FMNL2: variants seen among roughly 807,000 people sequenced by gnomAD.
FMNL2 encodes the protein formin-like protein 2.
In FMNL2, 51 loss-of-function variants were observed where a neutral mutation model predicts 130.2. The ratio of observed to expected loss-of-function variants is 0.39; its 90% CI spans 0.31 to 0.49. FMNL2 has a LOEUF of 0.49. Among genes scored for constraint, FMNL2 ranks in the 20% least tolerant of loss-of-function variants. The pLI is 0.85. For synonymous variants in FMNL2, 465 were observed against 467.1 expected, an observed-to-expected ratio of 1.00 and a Z score of 0.06; for missense variants, 977 against 1,316.2, an observed-to-expected ratio of 0.74 and a Z score of 3.99.
At chr2:152,401,987 C>G (rs1444679325) in intron 1 of FMNL2, among the ~76,000 whole-genome samples, 1 of 141,630 alleles carries the variant, frequency 7.1e-6, no homozygotes, top group Non-Finnish European at 1.5e-5. Flanking sequence ...CTCACTGCAA[C>G]CTCCGCCTCC....
chr2:152,581,019 C>A lies in FMNL2; in HGVS notation c.846C>A (p.Ile282=). Residue 282 remains isoleucine (I), a synonymous_variant, in exon 9 of 26, where the codon ATC becomes ATA. Coordinates refer to ENST00000288670, the MANE Select transcript of FMNL2 (RefSeq NM_052905.4). ...AVCLVRGGHE[I]ILSAFDNFKE... is the part of the protein sequence containing the mutation. ...GTCTTGTCAGAGGCGGGCATGAAATCATTTTATCAGCATTTGATAACTTTA... is the reference window on the plus strand; with the variant it reads ...GTCTTGTCAGAGGCGGGCATGAAATAATTTTATCAGCATTTGATAACTTTA... 1 of 1,613,866 alleles carries A rather than the reference C, an allele frequency of 6.2e-7. No homozygotes were observed.
intron 1 of FMNL2, among the ~76,000 whole-genome samples, chr2:152,469,177 G>C (rs1406072968): frequency 6.6e-6 from 1 of 152,158 alleles, no homozygotes. Context: ...AGCCCTCCAG[G>C]ACAGGCCTCC....
chr2:152,639,971 A>G lies in FMNL2; in HGVS notation c.2960A>G (p.Glu987Gly). 2 of 1,556,868 alleles carry G rather than the reference A, an allele frequency of 1.3e-6. No individual in the cohort carries two copies. The highest frequency in any genetic ancestry group is 1.7e-6 in the Non-Finnish European group (2 of 1,151,116). Residue 987 changes from glutamate to glycine, a missense_variant, in exon 24 of 26, where the codon GAA becomes GGA. Glu to Gly is a moderately conservative substitution (Grantham distance 98). Around this residue, in one of 4 missense-constraint regions of FMNL2, gnomAD observed 168 missense variants for 168.8 expected, o/e 1.00. Transcript: ENST00000288670. ...TGATTTACCCAGCAAGCAGAAGAGG[A>G]AAATGAGCTGAGGAAAAAGCAGGAA... ...FVKAYKQAEE[E>G]NELRKKQEQA... is the part of the protein sequence containing the mutation.
intron 13 of FMNL2, among the ~76,000 whole-genome samples, chr2:152,618,293 A>G (rs1325817956): frequency 6.6e-6 from 1 of 152,222 alleles, no homozygotes; most frequent in Non-Finnish European, 1.5e-5. Flanking sequence ...TGTTACAACA[A>G]TCGCTATCCT....
intron 1 of FMNL2, among the ~76,000 whole-genome samples, chr2:152,480,693 A>G (rs150368468): frequency 2.6e-5 from 4 of 151,820 alleles, no homozygotes; most frequent in African/African-American, 9.7e-5. Context: ...AACAAACAAA[A>G]CAAAAAAAAC....
chr2:152,441,645 T>G (rs1688052447), intron 1 of FMNL2, among the ~76,000 whole-genome samples: 1 of 152,064 alleles, frequency 6.6e-6, no homozygotes. Context: ...GAGAGCAGCT[T>G]GACCAACATG....
At chr2:152,472,846 A>AT (rs1051468991) in intron 1 of FMNL2, among the ~76,000 whole-genome samples, 2 of 152,188 alleles carry the variant, frequency 1.3e-5, no homozygotes, top group African/African-American at 4.8e-5. Context: ...AATGATGATA[A>AT]TCTGTCTTAA....
At chr2:152,426,974 T>C (rs1408943557) in intron 1 of FMNL2, among the ~76,000 whole-genome samples, 1 of 152,228 alleles carries the variant, frequency 6.6e-6, no homozygotes, top group Non-Finnish European at 1.5e-5. Flanking sequence ...CCATGCCCGT[T>C]GGTCTCTACC....
At chr2:152,412,542 C>G (rs1488760705) in intron 1 of FMNL2, among the ~76,000 whole-genome samples, 1 of 143,020 alleles carries the variant, frequency 7.0e-6, no homozygotes, top group Non-Finnish European at 1.5e-5. Context: ...TACGGTGACT[C>G]ATGCTTATAA....
intron 1 of FMNL2, among the ~76,000 whole-genome samples, chr2:152,460,324 C>T (rs557932176): frequency 1.3e-5 from 2 of 152,248 alleles, no homozygotes; most frequent in East Asian, 3.9e-4. Flanking sequence ...TTTTTAGCAG[C>T]CATTATATGG....
At chr2:152,482,608 T>C (rs777047064) in intron 1 of FMNL2, among the ~76,000 whole-genome samples, 5 of 152,226 alleles carry the variant, frequency 3.3e-5, no homozygotes, top group South Asian at 4.1e-4. Flanking sequence ...GCTTTTCCAC[T>C]TAATAACTGA....
At chr2:152,578,634 C>T (rs1311083467) in intron 7 of FMNL2, 6 of 218,644 alleles carry the variant, frequency 2.7e-5, no homozygotes, top group Non-Finnish European at 5.2e-5. Flanking sequence ...TTGTCCTGGA[C>T]TCAAGCTGTA....
chr2:152,515,678 A>G (rs934655220), intron 1 of FMNL2, among the ~76,000 whole-genome samples: 9 of 152,184 alleles, frequency 5.9e-5, no homozygotes, highest in Non-Finnish European at 2.9e-5. Context: ...TACCTCATGC[A>G]TGGAGGAATT....
chr2:152,424,602 G>T (rs1475681301), intron 1 of FMNL2, among the ~76,000 whole-genome samples: 2 of 152,032 alleles, frequency 1.3e-5, no homozygotes, highest in Non-Finnish European at 2.9e-5. Context: ...TGTTGGCCAG[G>T]CTGGTCTCGA....
chr2:152,627,598 C>G (rs1446995673), intron 17 of FMNL2, among the ~76,000 whole-genome samples: 2 of 152,088 alleles, frequency 1.3e-5, no homozygotes, highest in Non-Finnish European at 2.9e-5. Flanking sequence ...TGCAGCCTGG[C>G]TTTAAATCTT....
intron 1 of FMNL2, among the ~76,000 whole-genome samples, chr2:152,417,562 A>G (rs1272768040): frequency 2.0e-5 from 3 of 152,174 alleles, no homozygotes; most frequent in Non-Finnish European, 4.4e-5. Context: ...ACATCACCCA[A>G]GGTGATCAGG....
chr2:152,614,472 T>C (rs1217459758), intron 11 of FMNL2, among the ~76,000 whole-genome samples: 1 of 152,184 alleles, frequency 6.6e-6, no homozygotes, highest in Non-Finnish European at 1.5e-5. Flanking sequence ...TGGCTGGGTG[T>C]GGTGGCTCAC....
At chr2:152,507,723 A>C (rs554556611) in intron 1 of FMNL2, among the ~76,000 whole-genome samples, 2 of 152,254 alleles carry the variant, frequency 1.3e-5, no homozygotes, top group South Asian at 4.1e-4. Context: ...GCTACCGTCC[A>C]TGTGTCTACT....
At chr2:152,633,857 G>C (rs1398051831) in intron 21 of FMNL2, among the ~76,000 whole-genome samples, 1 of 152,242 alleles carries the variant, frequency 6.6e-6, no homozygotes, top group Non-Finnish European at 1.5e-5. Context: ...AGACTGGGTT[G>C]CTCCCTGGCA....
Sources: allele counts gnomAD v4.1 joint callset (sites outside exome capture counted in the v4.1 genomes callset), GRCh38; gene constraint gnomAD v4.1.1; regional missense constraint gnomAD v4.1.1; transcripts MANE v1.5; gene names NCBI Gene and HGNC (gene_info 2026-07-23, HGNC 2026-07-21).